The following JAZF1 variants were observed in gnomAD, a reference collection of about 807,000 sequenced individuals.
The protein encoded by JAZF1 is JAZF zinc finger 1, also known as juxtaposed with another zinc finger protein 1.
JAZF1 carries 8 observed loss-of-function variants against 26.4 expected under a neutral mutation model. That is an observed-to-expected ratio of 0.30 (90% CI 0.18 to 0.55). JAZF1 has a LOEUF of 0.55. Among genes scored for constraint, JAZF1 ranks in the 20% least tolerant of loss-of-function variants. JAZF1 has a pLI of 0.94. For missense variants in JAZF1, 199 were observed against 322.0 expected (o/e 0.62, Z 2.92); for synonymous variants, 126 against 122.3 (o/e 1.03, Z -0.20).
At chr7:27,954,190 A>G (rs1364991711) in intron 2 of JAZF1, among the ~76,000 whole-genome samples, 1 of 152,178 alleles carries the variant, frequency 6.6e-6, no homozygotes. Flanking sequence ...AATCCATCAT[A>G]GCTCCTAGAG....
chr7:27,964,944 G>C (rs555843170), intron 2 of JAZF1, among the ~76,000 whole-genome samples: 51 of 152,266 alleles, frequency 3.3e-4, no homozygotes, highest in African/African-American at 1.2e-3. Flanking sequence ...ATCTGTGACA[G>C]AGAAGAGTGT....
At chr7:27,926,974 C>T (rs1784610729) in intron 2 of JAZF1, among the ~76,000 whole-genome samples, 1 of 152,204 alleles carries the variant, frequency 6.6e-6, no homozygotes, top group Non-Finnish European at 1.5e-5. Context: ...TCTCAGGGGA[C>T]AGAACATCTC....
chr7:28,109,965 T>G (rs1023240876), intron 1 of JAZF1, among the ~76,000 whole-genome samples: 2 of 152,182 alleles, frequency 1.3e-5, no homozygotes, highest in East Asian at 3.8e-4. Context: ...GAACTCAGAA[T>G]GAAGCTGCAA....
chr7:28,007,518 G>A (rs1251162345), intron 1 of JAZF1, among the ~76,000 whole-genome samples: 1 of 151,882 alleles, frequency 6.6e-6, no homozygotes, highest in Non-Finnish European at 1.5e-5. Context: ...GCAGTGAGCC[G>A]AGATCATGCC....
At chr7:28,125,852 T>C (rs1028365667) in intron 1 of JAZF1, among the ~76,000 whole-genome samples, 7 of 152,192 alleles carry the variant, frequency 4.6e-5, no homozygotes, top group Non-Finnish European at 8.8e-5. Flanking sequence ...TCATCAGTGC[T>C]AAATGATAGA....
At chr7:28,087,269 A>G (rs1479581812) in intron 1 of JAZF1, among the ~76,000 whole-genome samples, 1 of 152,164 alleles carries the variant, frequency 6.6e-6, no homozygotes, top group South Asian at 2.1e-4. Flanking sequence ...TCAAGAATAC[A>G]TCAGCCAGAG....
intron 1 of JAZF1, among the ~76,000 whole-genome samples, chr7:28,023,663 T>C (rs1302940598): frequency 1.3e-5 from 2 of 152,190 alleles, no homozygotes; most frequent in Non-Finnish European, 2.9e-5. Flanking sequence ...GTTAAGTATT[T>C]TAGAATGCGT....
intron 2 of JAZF1, among the ~76,000 whole-genome samples, chr7:27,989,252 T>C (rs1331521623): frequency 6.6e-6 from 1 of 152,146 alleles, no homozygotes; most frequent in Non-Finnish European, 1.5e-5. Context: ...AAAGCTGAAA[T>C]TGGATCCCTT....
At chr7:27,951,950 T>C (rs902636014) in intron 2 of JAZF1, among the ~76,000 whole-genome samples, 4 of 152,226 alleles carry the variant, frequency 2.6e-5, no homozygotes, top group African/African-American at 4.8e-5. Context: ...TTCCCTCCTA[T>C]AGAGAAACTA....
chr7:27,962,253 C>CA (rs1241893813), intron 2 of JAZF1, among the ~76,000 whole-genome samples: 1 of 152,052 alleles, frequency 6.6e-6, no homozygotes, highest in African/African-American at 2.4e-5. Flanking sequence ...TCATTTTCCT[C>CA]AACATTTTCT....
chr7:28,047,225 CTT>C (rs879792230), intron 1 of JAZF1, among the ~76,000 whole-genome samples: 7 of 152,110 alleles, frequency 4.6e-5, no homozygotes, highest in Non-Finnish European at 8.8e-5. Context: ...ACATGGATCT[CTT>C]TATGGATTCT....
At chr7:28,145,664 G>A (rs1783016140) in intron 1 of JAZF1, among the ~76,000 whole-genome samples, 1 of 151,914 alleles carries the variant, frequency 6.6e-6, no homozygotes, top group Admixed American at 6.6e-5. Flanking sequence ...ATTTTTATGT[G>A]TGTAGTTTGA....
chr7:28,052,786 A>T (rs1176976387), intron 1 of JAZF1, among the ~76,000 whole-genome samples: 2 of 151,950 alleles, frequency 1.3e-5, no homozygotes, highest in East Asian at 1.9e-4. Flanking sequence ...AATCATTTTC[A>T]CCCAAAGAAA....
At chr7:27,972,413 C>T (rs62451158) in intron 2 of JAZF1, among the ~76,000 whole-genome samples, 1 of 152,072 alleles carries the variant, frequency 6.6e-6, no homozygotes, top group Non-Finnish European at 1.5e-5. Flanking sequence ...GGAACCCCAA[C>T]TCTTTTAGGG....
chr7:27,998,071 A>AAGGAAGGCAGGC (rs10691690), intron 1 of JAZF1, among the ~76,000 whole-genome samples: 3,405 of 111,168 alleles, frequency 0.031, 70 homozygotes, highest in Non-Finnish European at 0.036. Flanking sequence ...GGAAGGAAGG[A>AAGGAAGGCAGGC]AGGCAGGCAG....
At chr7:27,975,718 T>C (rs1785457440) in intron 2 of JAZF1, among the ~76,000 whole-genome samples, 1 of 152,174 alleles carries the variant, frequency 6.6e-6, no homozygotes, top group Admixed American at 6.5e-5. Flanking sequence ...TTTAAAAATT[T>C]TGAAAAATTA....
At chr7:27,855,908 A>C (rs1783240230) in intron 3 of JAZF1, among the ~76,000 whole-genome samples, 1 of 152,190 alleles carries the variant, frequency 6.6e-6, no homozygotes, top group Admixed American at 6.5e-5. Flanking sequence ...GAGACACAAC[A>C]AAAAAAGAAA....
chr7:27,876,436 C>G (rs1234967346), intron 3 of JAZF1, among the ~76,000 whole-genome samples: 1 of 152,124 alleles, frequency 6.6e-6, no homozygotes, highest in African/African-American at 2.4e-5. Flanking sequence ...CCTTTCTGCC[C>G]TTCTCCCTCC....
intron 3 of JAZF1, among the ~76,000 whole-genome samples, chr7:27,854,550 G>A (rs1783209955): frequency 6.6e-6 from 1 of 152,178 alleles, no homozygotes; most frequent in South Asian, 2.1e-4. Context: ...AAGAGCTCTT[G>A]TAAGGCAGGC....
Sources: gnomAD v4.1 joint callset for allele counts (sites outside exome capture counted in the v4.1 genomes callset) on GRCh38, gnomAD v4.1.1 for gene constraint, MANE v1.5 for transcripts, NCBI Gene and HGNC (gene_info 2026-07-23, HGNC 2026-07-21) for gene names.